The following DNAH6 variants were observed in gnomAD, a reference collection of about 807,000 sequenced individuals.
The protein encoded by DNAH6 is dynein axonemal heavy chain 6.
In DNAH6, 340 loss-of-function variants were observed where a neutral mutation model predicts 491.4. The observed-to-expected ratio is 0.69, with a 90% CI of 0.63 to 0.76. The LOEUF (loss-of-function observed/expected upper bound fraction) is 0.76. Ranked by LOEUF, DNAH6 falls within the 30% of genes least tolerant of loss-of-function variation. The probability of loss-of-function intolerance (pLI) is 0.00; values close to 1 mark genes in which losing one functional copy is unlikely to be tolerated. For missense variants in DNAH6, 4,443 were observed against 4,972.2 expected, an observed-to-expected ratio of 0.89 and a Z score of 3.20; for synonymous variants, 1,603 against 1,686.1, an observed-to-expected ratio of 0.95 and a Z score of 1.21.
intron 18 of DNAH6, among the ~76,000 whole-genome samples, chr2:84,600,984 G>A (rs867421054): frequency 6.8e-5 from 9 of 132,216 alleles, no homozygotes; most frequent in African/African-American, 3.2e-4. Flanking sequence ...TATTATTATA[G>A]TATAATAATA....
At chr2:84,497,093 C>A in the DNAH6 span, among the ~76,000 whole-genome samples, 356 of 151,914 alleles carry the variant, frequency 2.3e-3, 3 homozygotes, top group African/African-American at 8.3e-3. Context: ...GCCTCAGCCT[C>A]CCAAGTAGCT....
At chr2:84,714,568 A>AT (rs567152278) in intron 57 of DNAH6, among the ~76,000 whole-genome samples, 97 of 152,278 alleles carry the variant, frequency 6.4e-4, no homozygotes, top group Non-Finnish European at 1.1e-3. Context: ...ACAGTCAACA[A>AT]TAATGTATTG....
rs542858509 is a variant in DNAH6, at chr2:84,550,148, A to G, written c.1485+91A>G. 164 of 1,079,152 alleles carry G rather than the reference A, an allele frequency of 1.5e-4. No individual in the cohort carries two copies. In the African/African-American group the frequency reaches 2.5e-3, roughly 16 times the overall value. The allele number at this position is 1,079,152 out of a possible 1,614,324, so 66.8% of individuals were successfully genotyped here. On this transcript the variant is annotated intron_variant, in intron 9 of 76. Transcript: ENST00000389394. ...CTATGAATTATGCTATTTTCTGTGC[A>G]CTAAAAAAAAAAGAGAAATGCATAG...
rs1573149915 is a variant in DNAH6 at position 84,595,772 on chromosome 2, G to GA, written c.2857dup (p.Met953AsnfsTer10). 2 of 1,541,956 alleles carry GA rather than the reference G, an allele frequency of 1.3e-6. No individual in the cohort carries two copies. The highest frequency in any genetic ancestry group is 1.7e-6 in the Non-Finnish European group (2 of 1,144,340). ...AGTGCCCCAGCTCAAATACAAGGTG[G>GA]AAAAAATGAAAGAAAAGGTAAGGTT... On this transcript the variant is annotated frameshift_variant, in exon 18 of 77. Coordinates refer to ENST00000389394, the MANE Select transcript of DNAH6 (RefSeq NM_001370.2). LOFTEE classifies it high-confidence loss of function.
chr2:84,682,274 C>T (rs930929491), intron 42 of DNAH6, among the ~76,000 whole-genome samples: 4 of 152,352 alleles, frequency 2.6e-5, no homozygotes, highest in Non-Finnish European at 2.9e-5. Flanking sequence ...TTCCCCTCCC[C>T]GCCTTCTCCA....
intron 32 of DNAH6, among the ~76,000 whole-genome samples, chr2:84,641,045 G>A (rs55700242): frequency 0.011 from 1,723 of 152,192 alleles, 33 homozygotes; most frequent in African/African-American, 0.04. Flanking sequence ...TTTCACCTCT[G>A]TCTTTATAAC....
At chr2:84,538,219 G>T (rs754290260) in intron 4 of DNAH6, among the ~76,000 whole-genome samples, 10 of 152,096 alleles carry the variant, frequency 6.6e-5, no homozygotes. Context: ...ACTGTGTTAG[G>T]CATTGTGCCA....
chr2:84,682,985 A>G (rs1266534315), intron 42 of DNAH6, among the ~76,000 whole-genome samples: 1 of 151,954 alleles, frequency 6.6e-6, no homozygotes, highest in African/African-American at 2.4e-5. Flanking sequence ...CCTCCTTGCT[A>G]CTGCCACCTC....
chr2:84,547,387 C>G lies in DNAH6; in HGVS notation c.1050C>G (p.Val350=). 6.4e-7 allele frequency: 1 copy of G among 1,551,764 alleles called. No homozygotes were observed. The highest frequency in any genetic ancestry group is 8.7e-7 in the Non-Finnish European group (1 of 1,146,964). ...YTLQEFKAAQ[V]IRLAEVTERL... ...TGCAGGAATTTAAGGCCGCACAAGT[C>G]ATACGGCTAGCAGAGGTAACAAATT... Residue 350 remains valine, a synonymous_variant, in exon 6 of 77, where the codon GTC becomes GTG. Transcript: ENST00000389394.
intron 29 of DNAH6, among the ~76,000 whole-genome samples, chr2:84,632,893 A>G (rs955797867): frequency 3.9e-5 from 6 of 152,174 alleles, no homozygotes; most frequent in African/African-American, 1.2e-4. Flanking sequence ...CACTTTCTCC[A>G]AAGTTGCCCG....
intron 2 of DNAH6, 54 bp downstream of exon 2, chr2:84,518,105 A>G (rs1256310340): frequency 1.4e-6 from 2 of 1,386,852 alleles, no homozygotes; most frequent in Non-Finnish European, 1.9e-6. Flanking sequence ...AAGTTGTAAA[A>G]TTGCTTTGGA....
chr2:84,473,027 A>G, the DNAH6 span, among the ~76,000 whole-genome samples: 1 of 152,194 alleles, frequency 6.6e-6, no homozygotes, highest in Non-Finnish European at 1.5e-5. Context: ...GTCAGTTTGC[A>G]AAACTTGTTG....
At chr2:84,706,858 T>A in intron 52 of DNAH6, 38 bp from the exon 53 acceptor site, 3 of 1,514,532 alleles carry the variant, frequency 2.0e-6, no homozygotes, top group Non-Finnish European at 2.6e-6. Context: ...TCAGCCTTTT[T>A]TTGGCCCTGT....
chr2:84,512,124 G>C (rs964216139), upstream of DNAH6, among the ~76,000 whole-genome samples: 13 of 152,242 alleles, frequency 8.5e-5, no homozygotes, highest in South Asian at 2.1e-4. Flanking sequence ...TTGTTTTATA[G>C]TGTTTCTCAA....
the DNAH6 span, among the ~76,000 whole-genome samples, chr2:84,463,817 A>G: frequency 6.6e-6 from 1 of 152,260 alleles, no homozygotes; most frequent in African/African-American, 2.4e-5. Flanking sequence ...TTTCATTTGC[A>G]TTGTTTTTAA....
At chr2:84,781,712 T>G (rs1676721145) in intron 65 of DNAH6, 59 bp downstream of exon 65, 3 of 1,476,530 alleles carry the variant, frequency 2.0e-6, no homozygotes, top group Non-Finnish European at 2.7e-6. Flanking sequence ...CTTTTCTTGT[T>G]GAATTCATTC....
chr2:84,701,695 A>C (rs1448074313), intron 49 of DNAH6, among the ~76,000 whole-genome samples: 1 of 152,176 alleles, frequency 6.6e-6, no homozygotes, highest in African/African-American at 2.4e-5. Context: ...ACCAGATCTC[A>C]CAAGAACTCA....
the DNAH6 span, among the ~76,000 whole-genome samples, chr2:84,511,192 A>G: frequency 6.6e-6 from 1 of 152,222 alleles, no homozygotes; most frequent in African/African-American, 2.4e-5. Context: ...AGAGGCAGGC[A>G]GGCCTCCTTG....
intron 4 of DNAH6, among the ~76,000 whole-genome samples, chr2:84,543,105 G>A (rs1678427695): frequency 2.0e-5 from 3 of 152,310 alleles, no homozygotes; most frequent in Non-Finnish European, 2.9e-5. Flanking sequence ...GTTGCAGTGA[G>A]CCAAGTTTGC....
Sources: allele counts gnomAD v4.1 joint callset (sites outside exome capture counted in the v4.1 genomes callset), GRCh38; gene constraint gnomAD v4.1.1; transcripts MANE v1.5; gene names NCBI Gene and HGNC (gene_info 2026-07-23, HGNC 2026-07-21).